The following FLAD1 variants were observed in gnomAD, a reference collection of about 807,000 sequenced individuals.
FLAD1 encodes the protein flavin adenine dinucleotide synthetase 1.
Under a neutral mutation model 55.0 loss-of-function variants are expected in FLAD1, and 35 were observed. The ratio of observed to expected loss-of-function variants is 0.64; its 90% CI spans 0.49 to 0.84. The LOEUF (loss-of-function observed/expected upper bound fraction) is 0.84, where lower values mean the gene tolerates loss of function less well. FLAD1 is among the 40% of genes least tolerant of loss of function. The pLI is 0.00. For synonymous variants in FLAD1, 267 were observed against 303.0 expected, an observed-to-expected ratio of 0.88 and a Z score of 1.23; for missense variants, 665 against 742.6, an observed-to-expected ratio of 0.90 and a Z score of 1.21.
intron 5 of FLAD1, 37 bp downstream of exon 5, chr1:154,990,565 G>A (rs1354858820): frequency 2.5e-5 from 38 of 1,540,952 alleles, no homozygotes; most frequent in Non-Finnish European, 3.2e-5. Context: ...TCAGTCTCAC[G>A]TGCCCCAGCA....
At position 154,992,966 on chromosome 1, in the gene FLAD1, G is replaced by A. The variant is rs1558078212; in HGVS notation, c.1693G>A (p.Gly565Arg). 1 of 1,614,088 alleles carries A rather than the reference G, an allele frequency of 6.2e-7. No homozygotes were observed. Among genetic ancestry groups the A allele is most frequent in the African/African-American group, 1.3e-5 (1 of 75,002 alleles). Reference sequence around the variant, plus strand: ...CCCGGCCCTGAAGTGCCTGAGCCCAGGAGGACACCCCACATACCGTCCAGC... The same window carrying A: ...CCCGGCCCTGAAGTGCCTGAGCCCAAGAGGACACCCCACATACCGTCCAGC... The part of the protein sequence containing the change: ...RNPALKCLSP[G>R]GHPTYRPAYL... Residue 565 changes from glycine (G) to arginine (R), a missense_variant, in exon 7 of 7, where the codon GGA becomes AGA. Coordinates refer to ENST00000292180, the MANE Select transcript of FLAD1 (RefSeq NM_025207.5).
chr1:154,989,979 T>G (rs902023225), intron 3 of FLAD1, among the ~76,000 whole-genome samples, 180 bp from the exon 4 acceptor site: 1 of 152,108 alleles, frequency 6.6e-6, no homozygotes, highest in African/African-American at 2.4e-5. Flanking sequence ...TGCTTAGATT[T>G]GAGAGGTGAA....
chr1:154,988,841 C>G lies in FLAD1; in HGVS notation c.1109C>G (p.Ala370Gly). The G allele has an allele frequency of 6.2e-7, 1 of 1,614,186 alleles. No homozygotes were observed. Among genetic ancestry groups the G allele is most frequent in the Non-Finnish European group, 8.5e-7 (1 of 1,180,040 alleles). ...GCCAGTGAGGCTGTATACAAACTCG[C>G]TGAATCAGGTAGGGACCTTATGGAG... Reference protein sequence around the residue: ...EQASEAVYKLAESGSSLGKKV... With the variant: ...EQASEAVYKLGESGSSLGKKV... The change falls in exon 2 of 7, where the codon GCT (alanine) becomes GGT (glycine). Residue 370 changes from alanine to glycine, a missense_variant. Ala to Gly is a moderately conservative substitution (Grantham distance 60). Coordinates refer to ENST00000292180, the MANE Select transcript of FLAD1 (RefSeq NM_025207.5).
Position 154,990,144 on chromosome 1 carries a change from C to T in FLAD1, c.1266-15C>T. 1 of 1,599,682 alleles carries T rather than the reference C, an allele frequency of 6.3e-7. No homozygotes were observed. The highest frequency in any genetic ancestry group is 8.6e-7 in the Non-Finnish European group (1 of 1,167,072). ...GTCCATGCTCACAAGCCTGTGGATT[C>T]TTCCCCCTCTGCAGGAAATTACCTG... On this transcript the variant is annotated splice_polypyrimidine_tract_variant and intron_variant, in intron 3 of 6. Coordinates refer to ENST00000292180, the MANE Select transcript of FLAD1 (RefSeq NM_025207.5).
chr1:154,990,523 C>T lies in FLAD1; in HGVS notation c.1549C>T (p.Leu517=), dbSNP rs1244984349. Residue 517 remains leucine (L), a synonymous_variant, in exon 5 of 7, where the codon CTG becomes TTG. Transcript: ENST00000292180. ...GCCCGCATTCATGCGCATCAACCCA[C>T]TGCTGGTAATGGGGAAGAGGGTTTA... ...GWPAFMRINP[L]LDWTYRDIWD... 1 of 1,599,480 alleles carries T rather than the reference C, an allele frequency of 6.3e-7. No homozygotes were observed. The highest frequency in any genetic ancestry group is 8.5e-7 in the Non-Finnish European group (1 of 1,171,712).
intron 2 of FLAD1, 28 bp from the exon 3 acceptor site, chr1:154,989,532 G>C: frequency 6.5e-7 from 1 of 1,529,518 alleles, no homozygotes; most frequent in Non-Finnish European, 8.8e-7. Context: ...GTGTCCATCT[G>C]ATGCCCTCTT....
intron 3 of FLAD1, 74 bp from the exon 4 acceptor site, chr1:154,990,085 G>T: frequency 8.1e-7 from 1 of 1,228,380 alleles, no homozygotes; most frequent in South Asian, 1.2e-5. Context: ...GGGCCAACGA[G>T]AACAGTGAGC....
At chr1:154,986,599 G>A (rs951387398) in intron 1 of FLAD1, among the ~76,000 whole-genome samples, 5 of 151,610 alleles carry the variant, frequency 3.3e-5, no homozygotes, top group South Asian at 2.1e-4. Flanking sequence ...TTTTATAAAC[G>A]GGGTTCTCGC....
intron 5 of FLAD1, 111 bp downstream of exon 5, chr1:154,990,639 G>T: frequency 9.2e-7 from 1 of 1,085,436 alleles, no homozygotes; most frequent in Non-Finnish European, 1.3e-6. Context: ...GGATGAAGGG[G>T]CCTCATCATC....
At chr1:154,992,142 CAAAAA>C (rs35484260) in intron 5 of FLAD1, among the ~76,000 whole-genome samples, 1 of 68,896 alleles carries the variant, frequency 1.5e-5, no homozygotes. Context: ...GACTCCGTCT[CAAAAA>C]AAAAAAAAAA....
chr1:154,986,262 G>A (rs1457477631), intron 1 of FLAD1, among the ~76,000 whole-genome samples: 1 of 151,504 alleles, frequency 6.6e-6, no homozygotes, highest in African/African-American at 2.4e-5. Flanking sequence ...TGTCACCCAG[G>A]CTGGAGTGCA....
chr1:154,991,767 G>A (rs1476364249), intron 5 of FLAD1, among the ~76,000 whole-genome samples: 3 of 151,736 alleles, frequency 2.0e-5, no homozygotes, highest in East Asian at 1.9e-4. Flanking sequence ...CGGGAAGATC[G>A]CTTGAGCCAG....
intron 1 of FLAD1, among the ~76,000 whole-genome samples, chr1:154,985,044 T>C (rs1188651240): frequency 5.8e-5 from 8 of 138,782 alleles, no homozygotes; most frequent in Non-Finnish European, 1.1e-4. Context: ...TTTTTTTTTT[T>C]TTTTTTTTTT....
intron 1 of FLAD1, among the ~76,000 whole-genome samples, chr1:154,987,097 G>A (rs963206626): frequency 2.0e-5 from 3 of 150,326 alleles, no homozygotes; most frequent in African/African-American, 7.4e-5. Flanking sequence ...GCATGATCTC[G>A]GCTCACTGCA....
intron 2 of FLAD1, chr1:154,989,116 C>T: frequency 1.3e-6 from 1 of 766,804 alleles, no homozygotes; most frequent in South Asian, 1.9e-5. Context: ...GGACATTAAA[C>T]AGGTGATCCT....
Position 154,990,258 on chromosome 1 carries a change from G to A in FLAD1, c.1364+1G>A. 5 of 1,613,822 alleles carry A rather than the reference G, an allele frequency of 3.1e-6. No individual in the cohort carries two copies. Among genetic ancestry groups the A allele is most frequent in the South Asian group, 1.1e-5 (1 of 91,086 alleles). On this transcript the variant is annotated splice_donor_variant, in intron 4 of 6. Coordinates refer to ENST00000292180, the MANE Select transcript of FLAD1 (RefSeq NM_025207.5). LOFTEE classifies it high-confidence loss of function. ...AGTTTCTACAGGACACTATCAAGAG[G>A]TACTAGGGGCCTGGAGGTTTGGGCT...
At chr1:154,989,042 G>A (rs1036805682) in intron 2 of FLAD1, 193 bp downstream of exon 2, 101 of 1,354,684 alleles carry the variant, frequency 7.5e-5, no homozygotes, top group Non-Finnish European at 9.5e-5. Context: ...AGGTGTTGGG[G>A]ATATGGCTCA....
In FLAD1 at chr1:154,983,911, C is replaced by T. The variant is rs965450382; in HGVS notation, c.217C>T (p.Pro73Ser). 2 of 1,611,782 alleles carry T rather than the reference C, an allele frequency of 1.2e-6. No homozygotes were observed. The highest frequency in any genetic ancestry group is 3.3e-5 in the Admixed American group (2 of 59,712). ...GTGCCCTGTAGACCTGGCAGGCCCC[C>T]CGTGCTTGCGACCCCTATTTGGGGG... ...PQCPVDLAGP[P>S]CLRPLFGGLG... The change falls in exon 1 of 7, where the codon CCG becomes TCG. Residue 73 changes from proline to serine, a missense_variant. Coordinates refer to ENST00000292180, the MANE Select transcript of FLAD1 (RefSeq NM_025207.5).
Position 154,984,035 on chromosome 1 carries a change from G to GC in FLAD1, c.342dup (p.Ile115HisfsTer7). ...TCTCCGGGGCGCAGCGTGACGGCTG[G>GC]CATCATCATTGTTGGAGATGAGATC... On this transcript the variant is annotated frameshift_variant, in exon 1 of 7. Coordinates refer to ENST00000292180, the MANE Select transcript of FLAD1 (RefSeq NM_025207.5). LOFTEE classifies it high-confidence loss of function. 1 of 1,512,854 alleles carries GC rather than the reference G, an allele frequency of 6.6e-7. No individual in the cohort carries two copies. Among genetic ancestry groups the GC allele is most frequent in the South Asian group, 1.3e-5 (1 of 74,712 alleles). 93.7% of individuals were successfully genotyped at this position (1,512,854 alleles called of 1,614,324 possible).
Sources: allele counts gnomAD v4.1 joint callset (sites outside exome capture counted in the v4.1 genomes callset), GRCh38; gene constraint gnomAD v4.1.1; transcripts MANE v1.5; gene names NCBI Gene and HGNC (gene_info 2026-07-23, HGNC 2026-07-21).